The following PSPC1 variants were observed in gnomAD, a reference collection of about 807,000 sequenced individuals.
The protein encoded by PSPC1 is paraspeckle component 1, also known as paraspeckle protein 1.
In PSPC1, 14 loss-of-function variants were observed where a neutral mutation model predicts 51.6. The observed-to-expected ratio is 0.27, with a 90% CI of 0.18 to 0.42. The LOEUF is 0.42. Ranked by LOEUF, PSPC1 falls within the 10% of genes least tolerant of loss-of-function variation. The probability of loss-of-function intolerance (pLI) is 1.00; values close to 1 mark genes in which losing one functional copy is unlikely to be tolerated. For synonymous variants in PSPC1, 193 were observed against 231.9 expected (o/e 0.83, Z 1.53); for missense variants, 406 against 701.1 (o/e 0.58, Z 4.75).
intron 2 of PSPC1, among the ~76,000 whole-genome samples, chr13:19,766,479 G>A (rs1057120030): frequency 6.6e-6 from 1 of 152,096 alleles, no homozygotes; most frequent in Non-Finnish European, 1.5e-5. Context: ...GATCACTTGA[G>A]CCCAAGAGTT....
intron 2 of PSPC1, among the ~76,000 whole-genome samples, chr13:19,760,136 T>A (rs574455003): frequency 9.9e-5 from 15 of 152,240 alleles, no homozygotes; most frequent in African/African-American, 3.6e-4. Flanking sequence ...TTTCTAAATA[T>A]ATATCTTTAT....
chr13:19,779,313 C>G lies in PSPC1; in HGVS notation c.372+3073G>C, dbSNP rs1157968564. On this transcript the variant is annotated intron_variant, in intron 1 of 8. Coordinates refer to ENST00000338910, the MANE Select transcript of PSPC1 (RefSeq NM_001354909.2). ...TCAGCCCCCCGCCCGGCCAGCCGCC[C>G]CATCCGGGAGGGACGTGGGGGGTCA... Among the ~76,000 whole-genome samples the G allele has an allele frequency of 4.1e-3, 435 of 104,836 alleles. 16 individuals carry two copies. Among genetic ancestry groups the G allele is most frequent in the African/African-American group, 0.013 (396 of 30,020 alleles). The allele number at this position is 104,836 out of a possible 152,430, so 68.8% of individuals were successfully genotyped here.
chr13:19,698,951 T>TA (rs1027738508), downstream of PSPC1, among the ~76,000 whole-genome samples: 6 of 151,556 alleles, frequency 4.0e-5, no homozygotes, highest in Admixed American at 6.6e-5. Context: ...TTTCATCAGG[T>TA]AAAAAAAAGT....
downstream of PSPC1, chr13:19,671,816 GTTC>G (rs1565946005): frequency 1.2e-6 from 2 of 1,613,542 alleles, no homozygotes; most frequent in Non-Finnish European, 1.7e-6. Context: ...TGACACCTGC[GTTC>G]TTTTCTTTCA....
At chr13:19,744,795 C>A (rs776655474) in intron 4 of PSPC1, among the ~76,000 whole-genome samples, 4 of 152,110 alleles carry the variant, frequency 2.6e-5, no homozygotes, top group Non-Finnish European at 5.9e-5. Flanking sequence ...GAACTCGTAA[C>A]CTTGTGATCC....
intron 6 of PSPC1, among the ~76,000 whole-genome samples, chr13:19,724,768 G>A (rs1439214755): frequency 6.6e-6 from 1 of 152,146 alleles, no homozygotes; most frequent in South Asian, 2.1e-4. Flanking sequence ...GGGAGGCCGA[G>A]CGGGCGGATC....
At chr13:19,683,810 T>C (rs1018616149) in intron 6 of PSPC1, among the ~76,000 whole-genome samples, 1 of 152,130 alleles carries the variant, frequency 6.6e-6, no homozygotes, top group African/African-American at 2.4e-5. Context: ...TCTTAACTTT[T>C]TCAGGAAAAA....
intron 5 of PSPC1, among the ~76,000 whole-genome samples, chr13:19,734,241 TACTAAGGAGAGGAGA>T (rs1884488470): frequency 6.6e-6 from 1 of 152,220 alleles, no homozygotes; most frequent in African/African-American, 2.4e-5. Flanking sequence ...CAAATGGAAC[TACTAAGGAGAGGAGA>T]ACTAGTAATT....
intron 5 of PSPC1, among the ~76,000 whole-genome samples, chr13:19,738,619 A>T (rs1426397938): frequency 6.6e-6 from 1 of 152,212 alleles, no homozygotes; most frequent in African/African-American, 2.4e-5. Flanking sequence ...TTAGAGAATG[A>T]CAAGTTAGCC....
At chr13:19,712,212 A>C in intron 6 of PSPC1, among the ~76,000 whole-genome samples, 1 of 152,180 alleles carries the variant, frequency 6.6e-6, no homozygotes, top group Non-Finnish European at 1.5e-5. Context: ...ATTTCAATTT[A>C]TATTTTTACT....
chr13:19,748,820 T>C (rs1040529906), intron 4 of PSPC1, among the ~76,000 whole-genome samples: 20 of 148,920 alleles, frequency 1.3e-4, no homozygotes, highest in African/African-American at 4.4e-4. Flanking sequence ...ACAGAAGGGC[T>C]AGGGTAACCA....
intron 5 of PSPC1, among the ~76,000 whole-genome samples, chr13:19,737,547 G>A (rs1884976181): frequency 6.6e-6 from 1 of 152,104 alleles, no homozygotes; most frequent in African/African-American, 2.4e-5. Flanking sequence ...CTTATTACAG[G>A]TGATATGAAA....
rs1170933564 is a variant in PSPC1 at position 19,782,743 on chromosome 13, T to C, written c.15A>G (p.Gly5=). 1.3e-6 allele frequency: 2 copies of C among 1,561,520 alleles called. No individual in the cohort carries two copies. Among genetic ancestry groups the C allele is most frequent in the South Asian group, 2.3e-5 (2 of 86,616 alleles). The change falls in exon 1 of 9, where the codon GGA becomes GGG. Residue 5 remains glycine, a synonymous_variant. Transcript: ENST00000338910. This position sits in a 1 kb window ranked among gnomAD's most constrained non-coding sequence, Gnocchi z 4.5. ...TCTCAATGCGCACTTGCTTCAGGTT[T>C]CCTCTTAACATCATCTTACTGAGTT... MMLR[G]NLKQVRIEKN... is the part of the protein sequence containing the mutation.
At chr13:19,779,491 G>A (rs1593796152) in intron 1 of PSPC1, among the ~76,000 whole-genome samples, 3 of 38,728 alleles carry the variant, frequency 7.7e-5, no homozygotes, top group Non-Finnish European at 1.1e-4. Context: ...CAGCCACCCC[G>A]TCCGGGAGGG....
intron 2 of PSPC1, among the ~76,000 whole-genome samples, chr13:19,762,117 ACT>A (rs1887652727): frequency 1.3e-5 from 2 of 152,260 alleles, no homozygotes; most frequent in Admixed American, 6.5e-5. Flanking sequence ...CCACTAGACA[ACT>A]CTTACACAGT....
rs368454870 is a variant in PSPC1, at chr13:19,730,243, T to G, written c.1154A>C (p.Glu385Ala). Residue 385 changes from glutamate (E) to alanine (A), a missense_variant, in exon 6 of 9, where the codon GAA becomes GCA. Glu to Ala is a moderately radical substitution (Grantham distance 107). This residue lies in a region of PSPC1 where 61 missense variants were observed against 78.4 expected (regional missense o/e 0.78). Transcript: ENST00000338910. ...GTTAACTAGTAGTTTACTTACATTT[T>G]CCATGTAGTTTGGCTTAAAGCCCTC... Reference protein sequence around the residue: ...QQEGFKPNYMENREQEMRMGD... With the variant: ...QQEGFKPNYMANREQEMRMGD... 6.2e-7 allele frequency: 1 copy of G among 1,612,486 alleles called. No homozygotes were observed. Among genetic ancestry groups the G allele is most frequent in the Non-Finnish European group, 8.5e-7 (1 of 1,178,690 alleles).
intron 6 of PSPC1, among the ~76,000 whole-genome samples, chr13:19,711,388 G>C (rs1053892055): frequency 5.9e-5 from 9 of 152,042 alleles, no homozygotes. Flanking sequence ...TGTAATCCCA[G>C]CACTTTGGGA....
intron 5 of PSPC1, among the ~76,000 whole-genome samples, chr13:19,735,907 C>A (rs927043505): frequency 6.7e-6 from 1 of 150,224 alleles, no homozygotes; most frequent in African/African-American, 2.5e-5. Context: ...CTGCAAGCTA[C>A]GCCTCCTGGG....
chr13:19,780,159 G>A (rs1889777738), intron 1 of PSPC1, among the ~76,000 whole-genome samples: 1 of 80,600 alleles, frequency 1.2e-5, no homozygotes, highest in African/African-American at 3.5e-5. Context: ...CCCCCGCCCG[G>A]CCAGCCGCCC....
Sources: allele counts gnomAD v4.1 joint callset (sites outside exome capture counted in the v4.1 genomes callset), GRCh38; gene constraint gnomAD v4.1.1; regional missense constraint gnomAD v4.1.1; non-coding constraint Gnocchi (gnomAD v3.1); transcripts MANE v1.5; gene names NCBI Gene and HGNC (gene_info 2026-07-23, HGNC 2026-07-21).